The following TRPM7 variants were observed in gnomAD, a reference collection of about 807,000 sequenced individuals.
TRPM7 encodes the protein transient receptor potential cation channel subfamily M member 7, also known as LTRPC ion channel family member 7.
A neutral mutation model predicts 229.7 loss-of-function variants in TRPM7; 134 were observed. The observed-to-expected ratio is 0.58, with a 90% CI of 0.51 to 0.67. The LOEUF is 0.67. Among genes scored for constraint, TRPM7 ranks in the 30% least tolerant of loss-of-function variants. TRPM7 has a pLI of 0.00. For synonymous variants in TRPM7, 699 were observed against 715.2 expected (o/e 0.98, Z 0.36); for missense variants, 1,901 against 2,210.0 (o/e 0.86, Z 2.80).
At chr15:50,641,515 C>G (rs934646332) in intron 5 of TRPM7, among the ~76,000 whole-genome samples, 1 of 152,282 alleles carries the variant, frequency 6.6e-6, no homozygotes, top group South Asian at 2.1e-4. Context: ...TTCCATCATC[C>G]CTCACTATCC....
chr15:50,600,246 G>A (rs1175058764), intron 21 of TRPM7, among the ~76,000 whole-genome samples: 1 of 152,126 alleles, frequency 6.6e-6, no homozygotes, highest in Non-Finnish European at 1.5e-5. Flanking sequence ...AGACTAGCCT[G>A]GCCAACATGG....
intron 27 of TRPM7, chr15:50,588,363 A>T (rs3109895): frequency 0.38 from 79,967 of 208,712 alleles, 16,512 homozygotes; most frequent in Admixed American, 0.49. Context: ...CCAATTAAAT[A>T]CCAAGTTATC....
intron 28 of TRPM7, among the ~76,000 whole-genome samples, chr15:50,585,322 C>G (rs961896085): frequency 9.8e-5 from 15 of 152,308 alleles, no homozygotes; most frequent in African/African-American, 3.4e-4. Flanking sequence ...CTCGGCCTCC[C>G]AAAGTGCTAG....
At position 50,677,754 on chromosome 15, in the gene TRPM7, A is replaced by AC. The variant is rs1232502722; in HGVS notation, c.3+8776_3+8777insG. Reference sequence around the variant, plus strand: ...ACCCCGTATCAAAAAAAAAAAAAAAAAAAAAACAAAAGGTAACCCAGAGCC... The same window carrying AC: ...ACCCCGTATCAAAAAAAAAAAAAAAACAAAAAACAAAAGGTAACCCAGAGCC... On this transcript the variant is annotated intron_variant, in intron 1 of 38. Coordinates refer to ENST00000646667, the MANE Select transcript of TRPM7 (RefSeq NM_017672.6). Among the ~76,000 whole-genome samples, 445 of 150,266 alleles carry AC rather than the reference A, an allele frequency of 3.0e-3. 3 individuals are homozygous for AC. The highest frequency in any genetic ancestry group is 4.9e-3 in the Non-Finnish European group (331 of 67,460).
intron 29 of TRPM7, among the ~76,000 whole-genome samples, chr15:50,582,194 A>G (rs1174044781): frequency 1.3e-5 from 2 of 152,102 alleles, no homozygotes; most frequent in African/African-American, 4.8e-5. Flanking sequence ...CCTGATCTCA[A>G]GTGATCCACC....
chr15:50,686,623 G>A lies in TRPM7; in HGVS notation c.-90C>T, dbSNP rs1482517555. On this transcript the variant is annotated 5_prime_UTR_variant, in exon 1 of 39. Coordinates refer to ENST00000646667, the MANE Select transcript of TRPM7 (RefSeq NM_017672.6). Reference sequence around the variant, plus strand: ...CCATCTATCGGGAAGCGTCTCCGGAGGCGGCAGCAGAGGCCGCCGGACAAG... The same window carrying A: ...CCATCTATCGGGAAGCGTCTCCGGAAGCGGCAGCAGAGGCCGCCGGACAAG... 1.9e-6 allele frequency: 3 copies of A among 1,549,218 alleles called. No homozygotes were observed. The African/African-American group carries it at 4.2e-5, about 22-fold the overall frequency.
At chr15:50,577,208 T>C (rs1382883260) in intron 31 of TRPM7, among the ~76,000 whole-genome samples, 1 of 152,020 alleles carries the variant, frequency 6.6e-6, no homozygotes, top group Non-Finnish European at 1.5e-5. Flanking sequence ...GAACACTGGA[T>C]TTCATTAAAC....
Position 50,648,725 on chromosome 15 carries a change from T to C in TRPM7, c.283A>G (p.Ile95Val), listed in dbSNP as rs2061336386. The C allele has an allele frequency of 6.2e-7, 1 of 1,610,466 alleles. No individual in the cohort carries two copies. Among genetic ancestry groups the C allele is most frequent in the Non-Finnish European group, 8.5e-7 (1 of 1,178,102 alleles). The change falls in exon 4 of 39, where the codon ATA becomes GTA. Residue 95 changes from isoleucine (I) to valine (V), a missense_variant. Around this residue, in one of 8 missense-constraint regions of TRPM7, gnomAD observed 794 missense variants for 881.9 expected, o/e 0.90. Coordinates refer to ENST00000646667, the MANE Select transcript of TRPM7 (RefSeq NM_017672.6). ...EQSPTDAYGVINFQGGSHSYR... is the reference protein window; with the variant it reads ...EQSPTDAYGVVNFQGGSHSYR... ...GAATGAGAACCCCCTTGAAAATTTA[T>C]GACTCCATAAGCATCCGTTGGGCTC...
intron 12 of TRPM7, among the ~76,000 whole-genome samples, chr15:50,621,154 T>C (rs1186259547): frequency 8.1e-5 from 6 of 74,268 alleles, no homozygotes; most frequent in African/African-American, 3.6e-4. Context: ...CGAGACTCCG[T>C]CTCAAAAAAA....
At chr15:50,598,111 C>A (rs16963794) in intron 22 of TRPM7, among the ~76,000 whole-genome samples, 4,398 of 152,090 alleles carry the variant, frequency 0.029, 234 homozygotes, top group African/African-American at 0.1. Context: ...CATGGCCAAC[C>A]CTTGACCTAA....
At chr15:50,682,803 G>A (rs1371069590) in intron 1 of TRPM7, among the ~76,000 whole-genome samples, 1 of 151,916 alleles carries the variant, frequency 6.6e-6, no homozygotes, top group African/African-American at 2.4e-5. Flanking sequence ...TCTTTTTACT[G>A]ATTCACATAA....
chr15:50,671,005 G>A (rs78118471), intron 1 of TRPM7, among the ~76,000 whole-genome samples: 4,555 of 152,070 alleles, frequency 0.03, 247 homozygotes, highest in African/African-American at 0.1. Flanking sequence ...TATACATTGC[G>A]GAATGGCTAA....
intron 36 of TRPM7, among the ~76,000 whole-genome samples, chr15:50,570,561 G>A (rs935771370): frequency 6.6e-6 from 1 of 151,894 alleles, no homozygotes; most frequent in East Asian, 1.9e-4. Flanking sequence ...GTTTGGGATT[G>A]GCCAGGCGCA....
chr15:50,648,983 A>T, intron 3 of TRPM7, 98 bp from the exon 4 acceptor site: 1 of 835,962 alleles, frequency 1.2e-6, no homozygotes, highest in Non-Finnish European at 1.7e-6. Flanking sequence ...TAAGCTTTAA[A>T]ATTTTTATAT....
intron 36 of TRPM7, among the ~76,000 whole-genome samples, chr15:50,570,690 A>T (rs2053838778): frequency 6.6e-6 from 1 of 150,910 alleles, no homozygotes. Context: ...AAAAAAAAAA[A>T]AAAAAAAAAA....
chr15:50,686,732 C>T lies in TRPM7; in HGVS notation c.-199G>A. On this transcript the variant is annotated 5_prime_UTR_variant, in exon 1 of 39. Coordinates refer to ENST00000646667, the MANE Select transcript of TRPM7 (RefSeq NM_017672.6). ...GAGTCTTTCATAATTGTGCGACCAA[C>T]TCCTCCGGGTGACTGGCCACAGGGA... is the stretch of plus-strand genomic sequence containing the variant. The T allele has an allele frequency of 3.1e-6, 2 of 654,666 alleles. No homozygotes were observed. Among genetic ancestry groups the T allele is most frequent in the Non-Finnish European group, 2.4e-6 (1 of 411,778 alleles). 40.6% of individuals were successfully genotyped at this position (654,666 alleles called of 1,614,324 possible).
intron 2 of TRPM7, among the ~76,000 whole-genome samples, chr15:50,658,702 C>G (rs2061650047): frequency 6.6e-6 from 1 of 152,096 alleles, no homozygotes; most frequent in Non-Finnish European, 1.5e-5. Flanking sequence ...AAAACGTTGA[C>G]TCTCACACAC....
chr15:50,590,181 C>T (rs1301733384), intron 26 of TRPM7, among the ~76,000 whole-genome samples: 5 of 151,636 alleles, frequency 3.3e-5, no homozygotes, highest in Non-Finnish European at 7.4e-5. Context: ...TTTACAGTAA[C>T]GTTAAAAGCC....
chr15:50,661,780 A>C (rs990175351), intron 2 of TRPM7, among the ~76,000 whole-genome samples: 1 of 152,202 alleles, frequency 6.6e-6, no homozygotes, highest in Non-Finnish European at 1.5e-5. Flanking sequence ...ACGGAAAAGG[A>C]AGGAAGATTC....
Sources: allele counts gnomAD v4.1 joint callset (sites outside exome capture counted in the v4.1 genomes callset), GRCh38; gene constraint gnomAD v4.1.1; regional missense constraint gnomAD v4.1.1; transcripts MANE v1.5; gene names NCBI Gene and HGNC (gene_info 2026-07-23, HGNC 2026-07-21).